RFC3: variants seen among roughly 807,000 people sequenced by gnomAD.
RFC3 encodes the protein replication factor C subunit 3.
A neutral mutation model predicts 45.1 loss-of-function variants in RFC3; 41 were observed. That is an observed-to-expected ratio of 0.91 (90% CI 0.71 to 1.18). RFC3 has a LOEUF of 1.18. RFC3 is among the 50% of genes most tolerant of loss of function. The probability of loss-of-function intolerance (pLI) is 0.00; values close to 1 mark genes in which losing one functional copy is unlikely to be tolerated. For missense variants in RFC3, 423 were observed against 428.1 expected, an observed-to-expected ratio of 0.99 and a Z score of 0.10; for synonymous variants, 149 against 144.0, an observed-to-expected ratio of 1.03 and a Z score of -0.25.
chr13:33,888,153 C>T (rs1179584840), intron 8 of RFC3, among the ~76,000 whole-genome samples: 1 of 152,070 alleles, frequency 6.6e-6, no homozygotes, highest in East Asian at 1.9e-4. Context: ...TAGTTTTTTC[C>T]AATTCTGTGA....
chr13:33,847,770 G>A (rs886269607), intron 8 of RFC3: 4 of 152,150 alleles, frequency 2.6e-5, no homozygotes, highest in African/African-American at 7.2e-5. Flanking sequence ...ATGTATGTAT[G>A]TGTGCATCTC....
intron 8 of RFC3, among the ~76,000 whole-genome samples, chr13:33,940,352 A>ATT (rs1309399378): frequency 6.6e-6 from 1 of 152,158 alleles, no homozygotes; most frequent in African/African-American, 2.4e-5. Flanking sequence ...ACAATTTAAG[A>ATT]TTATGTTGCC....
intron 8 of RFC3, among the ~76,000 whole-genome samples, chr13:33,851,948 A>T (rs1364489949): frequency 6.6e-6 from 1 of 152,218 alleles, no homozygotes; most frequent in African/African-American, 2.4e-5. Flanking sequence ...GCTTTCAGAT[A>T]TCAAATTTTA....
chr13:33,850,277 A>G (rs1439167085), intron 8 of RFC3: 2 of 152,156 alleles, frequency 1.3e-5, no homozygotes, highest in African/African-American at 4.8e-5. Flanking sequence ...CAAACCTTTT[A>G]TCAAAATTGG....
downstream of RFC3, chr13:33,966,559 G>T: frequency 6.0e-6 from 1 of 166,362 alleles, no homozygotes; most frequent in South Asian, 1.8e-4. Flanking sequence ...CTCTTCTTTA[G>T]CTTTGGTCTG....
chr13:33,966,134 AAAG>A, exon 9 of RFC3: 1 of 1,605,476 alleles, frequency 6.2e-7, no homozygotes, highest in Non-Finnish European at 8.5e-7. Flanking sequence ...GAGGACCTCC[AAAG>A]AACAACTTGC....
chr13:33,852,534 C>G (rs374135169), intron 8 of RFC3, among the ~76,000 whole-genome samples: 15 of 152,136 alleles, frequency 9.9e-5, no homozygotes, highest in African/African-American at 3.6e-4. Context: ...TGGGGAGTAA[C>G]CCTCAGAAAC....
At chr13:33,867,460 A>G (rs1247894654) in intron 8 of RFC3, among the ~76,000 whole-genome samples, 2 of 152,252 alleles carry the variant, frequency 1.3e-5, no homozygotes, top group Non-Finnish European at 2.9e-5. Flanking sequence ...ATTGGAAAGT[A>G]AACTTAATCA....
At chr13:33,871,396 C>T (rs1031065482) in intron 8 of RFC3, among the ~76,000 whole-genome samples, 2 of 152,130 alleles carry the variant, frequency 1.3e-5, no homozygotes, top group African/African-American at 2.4e-5. Context: ...CTTTTGCAAT[C>T]GTTGGTTAAT....
intron 8 of RFC3, among the ~76,000 whole-genome samples, chr13:33,919,506 C>A (rs2082754297): frequency 6.6e-6 from 1 of 152,046 alleles, no homozygotes; most frequent in Non-Finnish European, 1.5e-5. Context: ...TATATTTGTA[C>A]TGTGGTTATG....
intron 8 of RFC3, among the ~76,000 whole-genome samples, chr13:33,879,085 C>T (rs1408667288): frequency 6.6e-6 from 1 of 152,132 alleles, no homozygotes; most frequent in East Asian, 1.9e-4. Flanking sequence ...ATCCCAAATA[C>T]ATTAGACCTA....
downstream of RFC3, among the ~76,000 whole-genome samples, chr13:33,841,860 T>C (rs536570549): frequency 4.6e-5 from 7 of 152,312 alleles, no homozygotes; most frequent in African/African-American, 9.6e-5. Flanking sequence ...CTGGAGATCA[T>C]TGGGGTATAA....
At chr13:33,828,510 C>G (rs955675006) in intron 4 of RFC3, among the ~76,000 whole-genome samples, 1 of 152,218 alleles carries the variant, frequency 6.6e-6, no homozygotes, top group Admixed American at 6.5e-5. Context: ...ATAAATTGGG[C>G]TCTGTCGAAT....
intron 8 of RFC3, among the ~76,000 whole-genome samples, chr13:33,932,641 A>G (rs2082859864): frequency 6.6e-6 from 1 of 152,182 alleles, no homozygotes; most frequent in Non-Finnish European, 1.5e-5. Context: ...GGGAAAGTAC[A>G]GAGAAAGAAT....
At chr13:33,859,617 T>C (rs145684168) in intron 8 of RFC3, among the ~76,000 whole-genome samples, 3 of 152,200 alleles carry the variant, frequency 2.0e-5, no homozygotes, top group African/African-American at 7.2e-5. Flanking sequence ...TTTTTTGTTT[T>C]CTAAATTTTC....
intron 8 of RFC3, among the ~76,000 whole-genome samples, chr13:33,924,825 A>T (rs1403239090): frequency 6.7e-6 from 1 of 150,292 alleles, no homozygotes; most frequent in African/African-American, 2.4e-5. Context: ...TGTAGATCTA[A>T]TATATAGAAT....
In RFC3 at chr13:33,836,473, T is replaced by C; in HGVS notation, c.*178T>C. On this transcript the variant is annotated 3_prime_UTR_variant, in exon 9 of 9. Coordinates refer to ENST00000380071, the MANE Select transcript of RFC3 (RefSeq NM_002915.4). ...AGTTAAATAATTGCTCCTATACTAT[T>C]GAAGTATGTAGTTTTGTACATAACT... 1 of 1,382,900 alleles carries C rather than the reference T, an allele frequency of 7.2e-7. No homozygotes were observed. Among genetic ancestry groups the C allele is most frequent in the Non-Finnish European group, 9.4e-7 (1 of 1,067,186 alleles). 85.7% of individuals were successfully genotyped at this position (1,382,900 alleles called of 1,614,324 possible).
At chr13:33,896,581 A>G (rs2082600218) in intron 8 of RFC3, among the ~76,000 whole-genome samples, 1 of 151,694 alleles carries the variant, frequency 6.6e-6, no homozygotes, top group South Asian at 2.1e-4. Context: ...AAAAGTAGCT[A>G]GGAGTGGTGG....
intron 8 of RFC3, among the ~76,000 whole-genome samples, chr13:33,929,401 ACTTT>A (rs1039226645): frequency 2.0e-5 from 3 of 152,144 alleles, no homozygotes; most frequent in Non-Finnish European, 4.4e-5. Context: ...GAAAAACTAT[ACTTT>A]CTTTATAGAG....
Sources: gnomAD v4.1 joint callset for allele counts (sites outside exome capture counted in the v4.1 genomes callset) on GRCh38, gnomAD v4.1.1 for gene constraint, MANE v1.5 for transcripts, NCBI Gene and HGNC (gene_info 2026-07-23, HGNC 2026-07-21) for gene names.